The following HS3ST6 variants were observed in gnomAD, a reference collection of about 807,000 sequenced individuals.
HS3ST6 encodes the protein heparan sulfate-glucosamine 3-sulfotransferase 6.
A neutral mutation model predicts 11.0 loss-of-function variants in HS3ST6; 13 were observed. The ratio of observed to expected loss-of-function variants is 1.18; its 90% CI spans 0.77 to 1.88. The LOEUF (loss-of-function observed/expected upper bound fraction) is 1.88, where lower values mean the gene tolerates loss of function less well. Among genes scored for constraint, HS3ST6 ranks in the 40% most tolerant of loss-of-function variants. The pLI, the probability that HS3ST6 is intolerant of heterozygous loss-of-function variation, is 0.00. For missense variants in HS3ST6, 541 were observed against 494.4 expected (o/e 1.09, Z -0.89); for synonymous variants, 232 against 230.6 (o/e 1.01, Z -0.06).
At chr16:1,913,625 C>T (rs1363090630) in intron 1 of HS3ST6, among the ~76,000 whole-genome samples, 1 of 152,174 alleles carries the variant, frequency 6.6e-6, no homozygotes, top group Admixed American at 6.5e-5. Context: ...GCCAGTCACG[C>T]CCAGCCCTGA....
Position 1,911,964 on chromosome 16 carries a change from C to G in HS3ST6, c.655G>C (p.Ala219Pro), listed in dbSNP as rs367842760. Residue 219 changes from alanine (A) to proline (P), a missense_variant, in exon 2 of 2, where the codon GCC becomes CCC. By Grantham distance (27) the Ala-to-Pro change is conservative (BLOSUM62 -1). Transcript: ENST00000454677. ...AGGCCGATGCGGACGGCGCTCCAGG[C>G]TGTGTCCACGGGGCCCAGGCCGTGG... ...FRHGLGPVDT[A>P]WSAVRIGLYA... is the part of the protein sequence containing the mutation. The G allele has an allele frequency of 6.4e-7, 1 of 1,564,790 alleles. No individual in the cohort carries two copies. The highest frequency in any genetic ancestry group is 8.7e-7 in the Non-Finnish European group (1 of 1,154,344).
At position 1,911,602 on chromosome 16, in the gene HS3ST6, G is replaced by C. The variant is rs749216723; in HGVS notation, c.1017C>G (p.Phe339Leu). 5 of 1,602,260 alleles carry C rather than the reference G, an allele frequency of 3.1e-6. No individual in the cohort carries two copies. Among genetic ancestry groups the C allele is most frequent in the Non-Finnish European group, 4.3e-6 (5 of 1,174,580 alleles). Residue 339 changes from phenylalanine to leucine, a missense_variant, in exon 2 of 2, where the codon TTC (phenylalanine) becomes TTG (leucine). Coordinates refer to ENST00000454677, the MANE Select transcript of HS3ST6 (RefSeq NM_001009606.4). The stretch of plus-strand genomic sequence containing the variant: ...CCCAGGGTGCCGCTCAGCCCCAGCC[G>C]AAGTCCTGGCCCGTCATCTGGTAGA... ...RRFYQMTGQD[F>L]GWG
At chr16:1,916,469 C>T (rs2082927676) in intron 1 of HS3ST6, among the ~76,000 whole-genome samples, 1 of 151,932 alleles carries the variant, frequency 6.6e-6, no homozygotes, top group South Asian at 2.1e-4. Context: ...TTGGGCCTGG[C>T]CTTGGCTGCC....
chr16:1,920,888 C>T (rs1001412881), upstream of HS3ST6, among the ~76,000 whole-genome samples: 8 of 152,170 alleles, frequency 5.3e-5, no homozygotes, highest in African/African-American at 1.9e-4. Flanking sequence ...CCATTAATGT[C>T]GCTCAGTGGA....
chr16:1,912,193 G>C lies in HS3ST6; in HGVS notation c.426C>G (p.Pro142=). 2.8e-6 allele frequency: 4 copies of C among 1,438,100 alleles called. No homozygotes were observed. Among genetic ancestry groups the C allele is most frequent in the Non-Finnish European group, 3.7e-6 (4 of 1,095,760 alleles). 89.1% of individuals were successfully genotyped at this position (1,438,100 alleles called of 1,614,324 possible). A position where few individuals can be genotyped will look rare whatever the true frequency, so the allele number is the denominator to read the frequency against. The part of the protein sequence containing the change: ...RGLAWYRSLM[P]RTLDGQITME... The stretch of plus-strand genomic sequence containing the variant: ...TGGTGATCTGCCCATCCAGGGTTCG[G>C]GGCATCAGACTCCTGCGGGACGGGT... The change falls in exon 2 of 2, where the codon CCC becomes CCG. Residue 142 remains proline, a synonymous_variant. Coordinates refer to ENST00000454677, the MANE Select transcript of HS3ST6 (RefSeq NM_001009606.4). This position sits in a 1 kb window ranked among gnomAD's most constrained non-coding sequence, Gnocchi z 5.6.
At chr16:1,914,693 G>A (rs369434987) in intron 1 of HS3ST6, among the ~76,000 whole-genome samples, 3 of 152,178 alleles carry the variant, frequency 2.0e-5, no homozygotes, top group Non-Finnish European at 4.4e-5. Context: ...AGGGAGCTCC[G>A]TAGGGGGATG....
At chr16:1,917,681 G>A (rs907489541) in intron 1 of HS3ST6, among the ~76,000 whole-genome samples, 2 of 152,174 alleles carry the variant, frequency 1.3e-5, no homozygotes, top group South Asian at 4.1e-4. Flanking sequence ...CGGAACCGGG[G>A]CTTTCCCCAC....
chr16:1,917,898 C>T lies in HS3ST6; in HGVS notation c.413+13G>A. The T allele has an allele frequency of 7.0e-7, 1 of 1,427,742 alleles. No homozygotes were observed. The allele number at this position is 1,427,742 out of a possible 1,614,324, so 88.4% of individuals were successfully genotyped here. A position where few individuals can be genotyped will look rare whatever the true frequency, so the allele number is the denominator to read the frequency against. ...GAAGGCGCCGGTCAGGGCGGACGGG[C>T]CAGGGTGCTCACCGGTACCAGGCGA... On this transcript the variant is annotated intron_variant, in intron 1 of 1. Coordinates refer to ENST00000454677, the MANE Select transcript of HS3ST6 (RefSeq NM_001009606.4).
At chr16:1,913,511 G>C (rs2082906199) in intron 1 of HS3ST6, among the ~76,000 whole-genome samples, 1 of 152,202 alleles carries the variant, frequency 6.6e-6, no homozygotes, top group South Asian at 2.1e-4. Context: ...GGGCAGGGCA[G>C]GGCGTGGTAG....
At chr16:1,919,855 G>A (rs1009001214), upstream of HS3ST6, among the ~76,000 whole-genome samples, 30 of 152,366 alleles carry the variant, frequency 2.0e-4, no homozygotes, top group African/African-American at 7.0e-4. Context: ...GGAGCCCCGT[G>A]GGCAGGCAGC....
At chr16:1,919,589 T>C (rs2082950089), upstream of HS3ST6, among the ~76,000 whole-genome samples, 1 of 152,220 alleles carries the variant, frequency 6.6e-6, no homozygotes, top group South Asian at 2.1e-4. Context: ...GCCAAGGGCT[T>C]GCGGCCCCTG....
intron 1 of HS3ST6, 33 bp downstream of exon 1, chr16:1,917,878 C>T (rs1481873238): frequency 2.2e-6 from 3 of 1,338,312 alleles, no homozygotes; most frequent in Non-Finnish European, 2.9e-6. Context: ...CCCAGGAAGG[C>T]GCCGGTCAGG....
Position 1,918,200 on chromosome 16 carries a change from A to T in HS3ST6, c.124T>A (p.Tyr42Asn), listed in dbSNP as rs2082940384. 1 of 1,067,114 alleles carries T rather than the reference A, an allele frequency of 9.4e-7. No homozygotes were observed. Among genetic ancestry groups the T allele is most frequent in the African/African-American group, 1.7e-5 (1 of 58,584 alleles). The allele number at this position is 1,067,114 out of a possible 1,614,324, so 66.1% of individuals were successfully genotyped here. Reference sequence around the variant, plus strand: ...CGGCCGGGGAGGGCGCAGAGGCAGTAGGCGCCGAGCACCAGGGCCACGAGC... The same window carrying T: ...CGGCCGGGGAGGGCGCAGAGGCAGTTGGCGCCGAGCACCAGGGCCACGAGC... ...MLLVALVLGAYCLCALPGRCP... is the reference protein window; with the variant it reads ...MLLVALVLGANCLCALPGRCP... The change falls in exon 1 of 2, where the codon TAC becomes AAC. Residue 42 changes from tyrosine to asparagine, a missense_variant. Coordinates refer to ENST00000454677, the MANE Select transcript of HS3ST6 (RefSeq NM_001009606.4). The surrounding 1 kb of genome is among the most constrained non-coding windows in gnomAD (Gnocchi z 6.0).
At chr16:1,919,665 C>T (rs377587677), upstream of HS3ST6, among the ~76,000 whole-genome samples, 13 of 152,298 alleles carry the variant, frequency 8.5e-5, no homozygotes, top group East Asian at 1.9e-4. Flanking sequence ...TCCCAGCAGC[C>T]GGGCTGCCTC....
upstream of HS3ST6, among the ~76,000 whole-genome samples, chr16:1,919,423 C>T (rs1055117849): frequency 2.6e-5 from 4 of 151,942 alleles, no homozygotes; most frequent in African/African-American, 9.7e-5. Flanking sequence ...GGGAGGCGAG[C>T]CGGGCTCAGA....
chr16:1,913,580 G>C (rs567567490), intron 1 of HS3ST6, among the ~76,000 whole-genome samples: 1 of 152,290 alleles, frequency 6.6e-6, no homozygotes, highest in African/African-American at 2.4e-5. Context: ...TAGGTCGATA[G>C]AAACACAGGG....
At chr16:1,917,002 A>G (rs1018360919) in intron 1 of HS3ST6, among the ~76,000 whole-genome samples, 3 of 152,048 alleles carry the variant, frequency 2.0e-5, no homozygotes, top group African/African-American at 7.2e-5. Context: ...TTCAGATCTC[A>G]GAAGCGAGCC....
chr16:1,917,632 C>A (rs2082934737), intron 1 of HS3ST6, among the ~76,000 whole-genome samples: 1 of 152,292 alleles, frequency 6.6e-6, no homozygotes, highest in Non-Finnish European at 1.5e-5. Flanking sequence ...GGGAAGCCAC[C>A]GCCTCCCCCA....
upstream of HS3ST6, among the ~76,000 whole-genome samples, chr16:1,918,915 G>A (rs2082946282): frequency 6.6e-6 from 1 of 152,198 alleles, no homozygotes. The surrounding 1 kb of genome is among the most constrained non-coding windows in gnomAD (Gnocchi z 6.0). Context: ...ACCCTAGTGT[G>A]CAGAGAGGGA....
Sources: allele counts gnomAD v4.1 joint callset (sites outside exome capture counted in the v4.1 genomes callset), GRCh38; gene constraint gnomAD v4.1.1; non-coding constraint Gnocchi (gnomAD v3.1); transcripts MANE v1.5; gene names NCBI Gene and HGNC (gene_info 2026-07-23, HGNC 2026-07-21).